Variants in ITGAX observed in about 807,000 individuals in gnomAD.
The protein encoded by ITGAX is integrin subunit alpha X, also known as integrin alpha-X.
In ITGAX, 99 loss-of-function variants were observed where a neutral mutation model predicts 140.2. That is an observed-to-expected ratio of 0.71 (90% CI 0.60 to 0.83). The LOEUF (loss-of-function observed/expected upper bound fraction) is 0.83, where lower values mean the gene tolerates loss of function less well. Among genes scored for constraint, ITGAX ranks in the 40% least tolerant of loss-of-function variants. The probability of loss-of-function intolerance (pLI) is 0.00; values close to 1 mark genes in which losing one functional copy is unlikely to be tolerated. For missense variants in ITGAX, 1,444 were observed against 1,482.0 expected, an observed-to-expected ratio of 0.97 and a Z score of 0.42; for synonymous variants, 631 against 600.4, an observed-to-expected ratio of 1.05 and a Z score of -0.75.
rs777553463 is a variant in ITGAX, at chr16:31,361,861, C to G, written c.1038C>G (p.Ser346=). 3.1e-5 allele frequency: 50 copies of G among 1,613,954 alleles called. No individual in the cohort carries two copies. Among genetic ancestry groups the G allele is most frequent in the Non-Finnish European group, 4.2e-5 (50 of 1,179,990 alleles). The stretch of plus-strand genomic sequence containing the variant: ...GTACGGAGACCACAAGCAGTAGCTC[C>G]TTCGAATTGGAGATGGCACAGGAGG... ...IEGTETTSSS[S]FELEMAQEGF... The change falls in exon 10 of 30, where the codon TCC becomes TCG. Residue 346 remains serine, a synonymous_variant. Transcript: ENST00000268296.
rs372032821 is a variant in ITGAX at position 31,360,063 on chromosome 16, C to A, written c.705C>A (p.Val235=). The change falls in exon 7 of 30, where the codon GTC becomes GTA. Residue 235 remains valine, a splice_region_variant and synonymous_variant. Transcript: ENST00000268296. ...FTYTATAIQN[V]VHRLFHASYG... ...ACACGGCCACCGCCATCCAAAATGT[C>A]GTGTGAGTCCTGATTTCTTCCAGGC... The A allele has an allele frequency of 5.0e-6, 8 of 1,609,336 alleles. No homozygotes were observed. Among genetic ancestry groups the A allele is most frequent in the Non-Finnish European group, 4.2e-6 (5 of 1,179,976 alleles).
chr16:31,359,310 C>T (rs531304587), intron 5 of ITGAX, among the ~76,000 whole-genome samples: 4 of 152,268 alleles, frequency 2.6e-5, no homozygotes, highest in African/African-American at 7.2e-5. Flanking sequence ...GGACCACAGG[C>T]GCGTGCCACC....
intron 14 of ITGAX, among the ~76,000 whole-genome samples, chr16:31,366,267 T>C (rs537039249): frequency 6.6e-6 from 1 of 152,342 alleles, no homozygotes; most frequent in South Asian, 2.1e-4. Context: ...GATGGTGATC[T>C]GTGATCAGTG....
intron 14 of ITGAX, among the ~76,000 whole-genome samples, chr16:31,367,359 G>A (rs1362660285): frequency 6.6e-6 from 1 of 151,744 alleles, no homozygotes; most frequent in Non-Finnish European, 1.5e-5. Context: ...GGAAGAAGAT[G>A]GCATCTAGGA....
At chr16:31,372,811 C>A in intron 19 of ITGAX, 141 bp downstream of exon 19, 1 of 818,538 alleles carries the variant, frequency 1.2e-6, no homozygotes, top group Non-Finnish European at 2.0e-6. Context: ...TGGCTCACGC[C>A]TGTAATCCCA....
rs143612140 is a variant in ITGAX, at chr16:31,380,547, G to C, written c.3199G>C (p.Val1067Leu). Residue 1067 changes from valine (V) to leucine (L), a missense_variant, in exon 28 of 30, where the codon GTG becomes CTG. Val to Leu is a conservative substitution (Grantham distance 32). Coordinates refer to ENST00000268296, the MANE Select transcript of ITGAX (RefSeq NM_000887.5). Reference sequence around the variant, plus strand: ...GATATTGCAGAAGAAGGTGTCGGTCGTGAGTGTGGCTGAAATTACGTTCGA... The same window carrying C: ...GATATTGCAGAAGAAGGTGTCGGTCCTGAGTGTGGCTGAAATTACGTTCGA... ...RQILQKKVSV[V>L]SVAEITFDTS... The C allele has an allele frequency of 6.2e-7, 1 of 1,614,238 alleles. No homozygotes were observed. The highest frequency in any genetic ancestry group is 8.5e-7 in the Non-Finnish European group (1 of 1,180,052).
In ITGAX at chr16:31,356,983, C is replaced by G. The variant is rs1225717098; in HGVS notation, c.248-48C>G. ...TGACCCCTGCCCAGCTCTTCCACAGCCTTCTCTGTACCCCCGAGAGTGACC... is the reference window on the plus strand; with the variant it reads ...TGACCCCTGCCCAGCTCTTCCACAGGCTTCTCTGTACCCCCGAGAGTGACC... On this transcript the variant is annotated intron_variant, in intron 3 of 29. Coordinates refer to ENST00000268296, the MANE Select transcript of ITGAX (RefSeq NM_000887.5). The G allele has an allele frequency of 2.0e-6, 3 of 1,508,906 alleles. No homozygotes were observed. The East Asian group carries it at 6.8e-5, about 34-fold the overall frequency. 93.5% of individuals were successfully genotyped at this position (1,508,906 alleles called of 1,614,324 possible). A position where few individuals can be genotyped will look rare whatever the true frequency, so the allele number is the denominator to read the frequency against.
At chr16:31,362,430 T>G (rs1597067225) in intron 11 of ITGAX, among the ~76,000 whole-genome samples, 181 bp from the exon 12 acceptor site, 2 of 49,184 alleles carry the variant, frequency 4.1e-5, no homozygotes, top group African/African-American at 8.5e-5. Flanking sequence ...GGAGAGGGGA[T>G]GGGCGCTGTG....
Position 31,379,628 on chromosome 16 carries a change from G to A in ITGAX, c.2850G>A (p.Val950=). Residue 950 remains valine (V), a synonymous_variant, in exon 24 of 30, where the codon GTG becomes GTA. Transcript: ENST00000268296. ...AGTCTGAGGAGAAGGAAAGCCATGT[G>A]GCCATGCACAGATACCAGGCAGGTG... ...FSESEEKESH[V]AMHRYQVNNL... 6.4e-7 allele frequency: 1 copy of A among 1,563,564 alleles called. No individual in the cohort carries two copies. Among genetic ancestry groups the A allele is most frequent in the Non-Finnish European group, 8.7e-7 (1 of 1,152,890 alleles).
intron 29 of ITGAX, 62 bp downstream of exon 29, chr16:31,381,069 A>G (rs961635811): frequency 2.2e-6 from 3 of 1,340,672 alleles, no homozygotes; most frequent in African/African-American, 2.9e-5. Context: ...TTGCAGAGTG[A>G]GAAGGAGCTC....
At chr16:31,361,012 C>T (rs577223702) in intron 8 of ITGAX, 51 bp from the exon 9 acceptor site, 23 of 1,577,716 alleles carry the variant, frequency 1.5e-5, no homozygotes, top group Non-Finnish European at 1.8e-5. Flanking sequence ...CCAGTGCACA[C>T]AGGCACATTT....
intron 14 of ITGAX, among the ~76,000 whole-genome samples, chr16:31,363,601 A>G (rs2080861840): frequency 6.6e-6 from 1 of 151,048 alleles, no homozygotes; most frequent in Non-Finnish European, 1.5e-5. Context: ...ATGCACCACC[A>G]TGTCCGGTTA....
chr16:31,362,872 G>A (rs878922407), intron 12 of ITGAX, 63 bp from the exon 13 acceptor site: 2 of 1,607,838 alleles, frequency 1.2e-6, no homozygotes, highest in Non-Finnish European at 1.7e-6. Context: ...GGAGAGGTGG[G>A]ACCTGGCCCA....
Position 31,380,031 on chromosome 16 carries a change from A to G in ITGAX, c.3026A>G (p.Asp1009Gly), listed in dbSNP as rs2081053969. 6.2e-7 allele frequency: 1 copy of G among 1,613,954 alleles called. No individual in the cohort carries two copies. The highest frequency in any genetic ancestry group is 8.5e-7 in the Non-Finnish European group (1 of 1,179,954). Residue 1009 changes from aspartate (D) to glycine (G), a missense_variant, in exon 26 of 30, where the codon GAC (aspartate) becomes GGC (glycine). Asp to Gly is a moderately conservative substitution (Grantham distance 94). Coordinates refer to ENST00000268296, the MANE Select transcript of ITGAX (RefSeq NM_000887.5). ...GAGAAAATCGCACCCCCAGCATCTG[A>G]CTTCCTGGCGCACATTCAGAAGAAT... ...SSEKIAPPAS[D>G]FLAHIQKNPV...
chr16:31,355,251 A>G lies in ITGAX; in HGVS notation c.-4A>G, dbSNP rs2080745999. ...CTCAGAGCTCCACATCTGACCTTCT[A>G]GTCATGACCAGGACCAGGGCAGCAC... On this transcript the variant is annotated 5_prime_UTR_variant, in exon 1 of 30. Coordinates refer to ENST00000268296, the MANE Select transcript of ITGAX (RefSeq NM_000887.5). The G allele has an allele frequency of 1.9e-6, 3 of 1,613,628 alleles. No homozygotes were observed. Among genetic ancestry groups the G allele is most frequent in the Non-Finnish European group, 2.5e-6 (3 of 1,179,868 alleles).
Position 31,361,845 on chromosome 16 carries a change from C to A in ITGAX, c.1022C>A (p.Thr341Asn). 2 of 1,614,058 alleles carry A rather than the reference C, an allele frequency of 1.2e-6. No homozygotes were observed. Among genetic ancestry groups the A allele is most frequent in the Non-Finnish European group, 1.7e-6 (2 of 1,179,996 alleles). The change falls in exon 10 of 30, where the codon ACC (threonine) becomes AAC (asparagine). Residue 341 changes from threonine (T) to asparagine (N), a missense_variant. Physicochemically the swap from Thr to Asn is moderately conservative, Grantham distance 65 (BLOSUM62 0). Coordinates refer to ENST00000268296, the MANE Select transcript of ITGAX (RefSeq NM_000887.5). ...TCATGCCTTCCCCCAGGTACGGAGACCACAAGCAGTAGCTCCTTCGAATTG... is the reference window on the plus strand; with the variant it reads ...TCATGCCTTCCCCCAGGTACGGAGAACACAAGCAGTAGCTCCTTCGAATTG... Reference protein sequence around the residue: ...EKIFAIEGTETTSSSSFELEM... With the variant: ...EKIFAIEGTENTSSSSFELEM...
chr16:31,363,707 A>G (rs891814996), intron 14 of ITGAX, among the ~76,000 whole-genome samples: 2 of 152,218 alleles, frequency 1.3e-5, no homozygotes, highest in Non-Finnish European at 2.9e-5. Flanking sequence ...GGCCTCCCAA[A>G]GTGCTGGGAT....
rs757716357 is a variant in ITGAX at position 31,362,697 on chromosome 16, A to G, written c.1303A>G (p.Ile435Val). Residue 435 changes from isoleucine (I) to valine (V), a missense_variant, in exon 12 of 30, where the codon ATC becomes GTC. Transcript: ENST00000268296. ...CTACCAGCACACCGGGAAGGCTGTC[A>G]TCTTCACCCAGGTGTCCAGGCAATG... ...PRYQHTGKAV[I>V]FTQVSRQWRM... 4 of 1,613,894 alleles carry G rather than the reference A, an allele frequency of 2.5e-6. No individual in the cohort carries two copies. The highest frequency in any genetic ancestry group is 1.7e-4 in the Middle Eastern group (1 of 6,050).
Position 31,381,939 on chromosome 16 carries a change from G to A in ITGAX, c.*32G>A, listed in dbSNP as rs1472202459. 1.1e-5 allele frequency: 12 copies of A among 1,126,592 alleles called. No individual in the cohort carries two copies. The highest frequency in any genetic ancestry group is 3.0e-5 in the African/African-American group (2 of 65,586). The allele number at this position is 1,126,592 out of a possible 1,614,324, so 69.8% of individuals were successfully genotyped here. On this transcript the variant is annotated 3_prime_UTR_variant, in exon 30 of 30. Coordinates refer to ENST00000268296, the MANE Select transcript of ITGAX (RefSeq NM_000887.5). ...CTTTGCCTTGGACTTCTTCTCCCCC[G>A]CGAGTTTTCCCCACTTACTTACCCT...
Sources: allele counts gnomAD v4.1 joint callset (sites outside exome capture counted in the v4.1 genomes callset), GRCh38; gene constraint gnomAD v4.1.1; transcripts MANE v1.5; gene names NCBI Gene and HGNC (gene_info 2026-07-23, HGNC 2026-07-21).